MGST1: variants seen among roughly 807,000 people sequenced by gnomAD.
The protein encoded by MGST1 is microsomal glutathione S-transferase 1.
MGST1 carries 5 observed loss-of-function variants against 8.9 expected under a neutral mutation model. The ratio of observed to expected loss-of-function variants is 0.56; its 90% CI spans 0.29 to 1.19. MGST1 has a LOEUF of 1.19. Ranked by LOEUF, MGST1 falls within the 50% of genes most tolerant of loss-of-function variation. The pLI is 0.08. For missense variants in MGST1, 182 were observed against 187.4 expected, an observed-to-expected ratio of 0.97 and a Z score of 0.17; for synonymous variants, 54 against 67.8, an observed-to-expected ratio of 0.80 and a Z score of 1.00.
At chr12:16,580,876 C>G (rs1176146156) in intron 4 of MGST1, among the ~76,000 whole-genome samples, 2 of 152,032 alleles carry the variant, frequency 1.3e-5, no homozygotes, top group Non-Finnish European at 2.9e-5. Context: ...CAGAATTGAC[C>G]ACTGTTAACA....
chr12:16,461,877 T>C (rs1941224164), intron 4 of MGST1, among the ~76,000 whole-genome samples: 1 of 152,138 alleles, frequency 6.6e-6, no homozygotes, highest in Non-Finnish European at 1.5e-5. Flanking sequence ...CCCAACCACC[T>C]TTTAATCTTA....
intron 3 of MGST1, chr12:16,376,064 G>A (rs959520987): frequency 7.7e-6 from 9 of 1,171,606 alleles, no homozygotes; most frequent in South Asian, 5.1e-5. Context: ...ATGTGTTCAC[G>A]TGTGTGTATA....
At chr12:16,474,732 A>G (rs2137138119) in intron 4 of MGST1, among the ~76,000 whole-genome samples, 1 of 152,284 alleles carries the variant, frequency 6.6e-6, no homozygotes, top group African/African-American at 2.4e-5. Context: ...TTTGAACGAG[A>G]GCAATAACAG....
chr12:16,398,216 T>C (rs1417615302), intron 1 of MGST1, among the ~76,000 whole-genome samples: 1 of 152,110 alleles, frequency 6.6e-6, no homozygotes, highest in Non-Finnish European at 1.5e-5. Flanking sequence ...CCACTTCTCT[T>C]AAAGTCACAG....
downstream of MGST1, among the ~76,000 whole-genome samples, chr12:16,442,969 C>T (rs572001432): frequency 8.6e-5 from 13 of 151,832 alleles, no homozygotes; most frequent in African/African-American, 1.7e-4. This position sits in a 1 kb window ranked among gnomAD's most constrained non-coding sequence, Gnocchi z 4.5. Context: ...TGTGTTAAAA[C>T]GTCCAATTGT....
chr12:16,466,630 G>T (rs147533674), intron 4 of MGST1, among the ~76,000 whole-genome samples: 1 of 152,104 alleles, frequency 6.6e-6, no homozygotes, highest in Admixed American at 6.6e-5. Flanking sequence ...AAGGTAAAGG[G>T]TATAGTTTAT....
intron 4 of MGST1, among the ~76,000 whole-genome samples, chr12:16,485,446 A>G (rs1941393957): frequency 6.6e-6 from 1 of 152,212 alleles, no homozygotes; most frequent in African/African-American, 2.4e-5. Context: ...ATAATTAATA[A>G]AAATATGAAA....
At chr12:16,454,331 C>T (rs1222559979) in intron 4 of MGST1, among the ~76,000 whole-genome samples, 1 of 151,858 alleles carries the variant, frequency 6.6e-6, no homozygotes, top group Non-Finnish European at 1.5e-5. Flanking sequence ...ATGGGGAAAA[C>T]TCTGGATGCT....
chr12:16,490,284 T>C (rs2216234), intron 4 of MGST1, among the ~76,000 whole-genome samples: 78,221 of 151,788 alleles, frequency 0.52, 22,523 homozygotes, highest in Non-Finnish European at 0.66. Context: ...CCAAACAAAA[T>C]GTAAGATCCA....
chr12:16,566,022 ATATATATATATATATAT>A (rs1565488327), intron 4 of MGST1, among the ~76,000 whole-genome samples: 3 of 83,728 alleles, frequency 3.6e-5, no homozygotes, highest in Non-Finnish European at 7.0e-5. Flanking sequence ...ATATATATAT[ATATATATATATATATAT>A]AAAATGGAGT....
intron 1 of MGST1, among the ~76,000 whole-genome samples, chr12:16,411,614 TGGTG>T (rs1356365466): frequency 5.9e-5 from 9 of 152,140 alleles, no homozygotes; most frequent in Non-Finnish European, 1.0e-4. Context: ...GCTGTACAAA[TGGTG>T]GGGCTTCAGA....
intron 4 of MGST1, among the ~76,000 whole-genome samples, chr12:16,494,392 C>G: frequency 6.6e-6 from 1 of 152,026 alleles, no homozygotes; most frequent in East Asian, 1.9e-4. Flanking sequence ...AAATTATTGC[C>G]TTAATTACAA....
intron 1 of MGST1, among the ~76,000 whole-genome samples, chr12:16,425,949 C>CA: frequency 6.6e-6 from 1 of 152,060 alleles, no homozygotes; most frequent in Non-Finnish European, 1.5e-5. Flanking sequence ...TGTTTTTTTC[C>CA]ATTCCATGTT....
exon 4 of MGST1, chr12:16,376,194 G>A: frequency 1.1e-6 from 1 of 905,002 alleles, no homozygotes; most frequent in Non-Finnish European, 1.7e-6. Flanking sequence ...AATTGCTGAT[G>A]AAGAAGAAAT....
intron 4 of MGST1, among the ~76,000 whole-genome samples, chr12:16,533,686 AG>A (rs1389748784): frequency 6.6e-6 from 1 of 151,244 alleles, no homozygotes; most frequent in Non-Finnish European, 1.5e-5. Context: ...TATAGATCCT[AG>A]AGGACTTTTA....
Position 16,458,739 on chromosome 12 carries a change from G to C in MGST1, n.482+75135G>C, listed in dbSNP as rs1444626538. ...TTTACTGTAAACAGAGGTTTCATAT[G>C]ACTGGAATTGCAGCTTGCCTGCTGC... On this transcript the variant is annotated intron_variant and non_coding_transcript_variant, in intron 4 of 4. Transcript: ENST00000538857. The surrounding 1 kb of genome is among the most constrained non-coding windows in gnomAD (Gnocchi z 4.0). 6.6e-6 allele frequency among the ~76,000 whole-genome samples: 1 copy of C among 152,034 alleles called. No individual in the cohort carries two copies. The highest frequency in any genetic ancestry group is 2.4e-5 in the African/African-American group (1 of 41,420).
chr12:16,468,993 C>A (rs577563955), intron 4 of MGST1, among the ~76,000 whole-genome samples: 1 of 152,120 alleles, frequency 6.6e-6, no homozygotes, highest in African/African-American at 2.4e-5. Context: ...GGTAGACAGA[C>A]AAGGTAGAAG....
intron 4 of MGST1, among the ~76,000 whole-genome samples, chr12:16,478,026 GTAT>G (rs1941334976): frequency 6.6e-6 from 1 of 152,090 alleles, no homozygotes; most frequent in African/African-American, 2.4e-5. Flanking sequence ...GCCTTTCTCT[GTAT>G]TATTTATTTA....
intron 1 of MGST1, among the ~76,000 whole-genome samples, chr12:16,435,283 C>T (rs1014251222): frequency 6.6e-6 from 1 of 151,664 alleles, no homozygotes; most frequent in Non-Finnish European, 1.5e-5. Flanking sequence ...TGATATAGCC[C>T]AGGTACACTA....
Sources: gnomAD v4.1 joint callset for allele counts (sites outside exome capture counted in the v4.1 genomes callset) on GRCh38, gnomAD v4.1.1 for gene constraint, Gnocchi (gnomAD v3.1) non-coding constraint, MANE v1.5 for transcripts, NCBI Gene and HGNC (gene_info 2026-07-23, HGNC 2026-07-21) for gene names.